SFSWAP: variants seen among roughly 807,000 people sequenced by gnomAD.
The protein encoded by SFSWAP is splicing factor SWAP, also known as splicing factor, suppressor of white-apricot homolog.
Under a neutral mutation model 100.7 loss-of-function variants are expected in SFSWAP, and 17 were observed. That is an observed-to-expected ratio of 0.17 (90% CI 0.12 to 0.25). The LOEUF (loss-of-function observed/expected upper bound fraction) is 0.25. Ranked by LOEUF, SFSWAP falls within the 10% of genes least tolerant of loss-of-function variation. The pLI is 1.00. For synonymous variants in SFSWAP, 504 were observed against 510.1 expected, an observed-to-expected ratio of 0.99 and a Z score of 0.16; for missense variants, 1,005 against 1,262.6, an observed-to-expected ratio of 0.80 and a Z score of 3.09.
At chr12:131,764,771 T>G in intron 12 of SFSWAP, 85 bp downstream of exon 12, 1 of 949,650 alleles carries the variant, frequency 1.1e-6, no homozygotes, top group Admixed American at 2.6e-5. Flanking sequence ...ATCTCGAGGC[T>G]GCCAACTAGA....
chr12:131,796,058 A>C (rs1347038842), intron 15 of SFSWAP: 3 of 26,676 alleles, frequency 1.1e-4, no homozygotes, highest in African/African-American at 1.5e-4. Context: ...GGGGGAGGGG[A>C]GGGGAGGGAA....
intron 14 of SFSWAP, among the ~76,000 whole-genome samples, chr12:131,781,234 A>ATTT (rs66608201): frequency 1.8e-3 from 180 of 102,252 alleles, no homozygotes; most frequent in African/African-American, 6.1e-3. Context: ...ATATCTTATT[A>ATTT]TTTTTTTTTT....
chr12:131,743,363 GTACAGGCATTGGGTAAA>G (rs1323891679), intron 7 of SFSWAP, among the ~76,000 whole-genome samples: 2 of 152,222 alleles, frequency 1.3e-5, no homozygotes, highest in Admixed American at 6.5e-5. Context: ...TATAATGGGG[GTACAGGCATTGGGTAAA>G]TACAACCGTC....
At chr12:131,756,758 G>A (rs2290592) in intron 11 of SFSWAP, 114 bp downstream of exon 11, 94 of 940,042 alleles carry the variant, frequency 1.0e-4, no homozygotes, top group Middle Eastern at 3.4e-4. Context: ...TGGGGTTGGC[G>A]GCCCCCTGGA....
chr12:131,753,412 C>T (rs199814729), intron 8 of SFSWAP, 49 bp downstream of exon 8: 25 of 1,569,426 alleles, frequency 1.6e-5, no homozygotes, highest in Admixed American at 8.8e-5. Flanking sequence ...CTCAGCACTG[C>T]AGTCACTGGG....
intron 13 of SFSWAP, among the ~76,000 whole-genome samples, chr12:131,774,330 GGTTT>G (rs1883846239): frequency 6.6e-6 from 1 of 152,144 alleles, no homozygotes; most frequent in African/African-American, 2.4e-5. Flanking sequence ...GCTTTTGAGC[GGTTT>G]GTTTTGCCAC....
At chr12:131,747,977 A>C (rs1357783609) in intron 7 of SFSWAP, among the ~76,000 whole-genome samples, 2 of 152,328 alleles carry the variant, frequency 1.3e-5, no homozygotes, top group East Asian at 1.9e-4. Flanking sequence ...ACCGAGAGGC[A>C]TGGCCGCTGC....
chr12:131,728,206 G>T, intron 6 of SFSWAP, 87 bp from the exon 7 acceptor site: 1 of 1,478,244 alleles, frequency 6.8e-7, no homozygotes, highest in South Asian at 1.2e-5. Context: ...CATGTACACT[G>T]AGTCCTAAAG....
rs1296634841 is a variant in SFSWAP, at chr12:131,734,890, C to T, written c.1081+6462C>T. Among the ~76,000 whole-genome samples, 1 of 127,326 alleles carries T rather than the reference C, an allele frequency of 7.9e-6. No homozygotes were observed. Among genetic ancestry groups the T allele is most frequent in the Non-Finnish European group, 1.6e-5 (1 of 62,960 alleles). 83.5% of individuals were successfully genotyped at this position (127,326 alleles called of 152,430 possible). ...CTGCAGCCGCAGATACCATCTCAGC[C>T]GGCATGGCGCATGGGGGTGGGGTGG... On this transcript the variant is annotated intron_variant, in intron 7 of 17. Transcript: ENST00000261674. The surrounding 1 kb of genome is among the most constrained non-coding windows in gnomAD (Gnocchi z 4.9).
At chr12:131,785,167 TC>T (rs1277344001) in intron 14 of SFSWAP, 1 of 1,535,676 alleles carries the variant, frequency 6.5e-7, no homozygotes, top group South Asian at 1.2e-5. Flanking sequence ...TCAGGCAGCC[TC>T]GACCACCACC....
intron 16 of SFSWAP, 26 bp from the exon 17 acceptor site, chr12:131,799,011 C>T: frequency 6.4e-7 from 1 of 1,565,208 alleles, no homozygotes; most frequent in Non-Finnish European, 8.8e-7. Flanking sequence ...CGGTTGTAAG[C>T]TCTGCTCTCT....
At chr12:131,736,889 G>T (rs1880075016) in intron 7 of SFSWAP, among the ~76,000 whole-genome samples, 1 of 152,064 alleles carries the variant, frequency 6.6e-6, no homozygotes, top group African/African-American at 2.4e-5. Context: ...GACGTTTATT[G>T]TCGGTGGGGG....
At chr12:131,742,886 C>T (rs1880782061) in intron 7 of SFSWAP, among the ~76,000 whole-genome samples, 1 of 152,148 alleles carries the variant, frequency 6.6e-6, no homozygotes. Flanking sequence ...TACAGTTCCA[C>T]ATGGCTGGGG....
At chr12:131,743,362 G>A (rs1442449051) in intron 7 of SFSWAP, among the ~76,000 whole-genome samples, 1 of 152,190 alleles carries the variant, frequency 6.6e-6, no homozygotes, top group Non-Finnish European at 1.5e-5. Context: ...ATATAATGGG[G>A]GTACAGGCAT....
intron 5 of SFSWAP, among the ~76,000 whole-genome samples, chr12:131,726,505 C>T (rs1288295562): frequency 2.0e-5 from 3 of 152,216 alleles, no homozygotes; most frequent in South Asian, 2.1e-4. Context: ...CCACTGTGCC[C>T]GGCCCTTCCA....
At position 131,786,602 on chromosome 12, in the gene SFSWAP, T is replaced by A. The variant is rs1033781535; in HGVS notation, c.2534+14T>A. ...GACCCGCTCCAGGTAGGCCACTGGG[T>A]GTGCACGCAGGTGCTGGATGTGGGC... On this transcript the variant is annotated intron_variant, in intron 15 of 17. Coordinates refer to ENST00000261674, the MANE Select transcript of SFSWAP (RefSeq NM_004592.4). 6.3e-7 allele frequency: 1 copy of A among 1,585,692 alleles called. No homozygotes were observed. Among genetic ancestry groups the A allele is most frequent in the Non-Finnish European group, 8.6e-7 (1 of 1,167,534 alleles).
chr12:131,766,372 G>C, intron 13 of SFSWAP, 64 bp downstream of exon 13: 3 of 1,447,598 alleles, frequency 2.1e-6, no homozygotes, highest in Non-Finnish European at 2.9e-6. Flanking sequence ...GGGAGGATGT[G>C]TCTCCCTCCA....
At chr12:131,786,339 C>T in intron 14 of SFSWAP, 124 bp from the exon 15 acceptor site, 2 of 1,227,278 alleles carry the variant, frequency 1.6e-6, no homozygotes, top group African/African-American at 1.5e-5. Flanking sequence ...TCAGGGTCTA[C>T]ACAGGCACCA....
intron 3 of SFSWAP, among the ~76,000 whole-genome samples, chr12:131,716,769 G>C (rs1411973518): frequency 2.6e-5 from 4 of 152,134 alleles, no homozygotes; most frequent in Admixed American, 1.3e-4. Context: ...TATTAATACT[G>C]TCTGGCATTT....
Sources: gnomAD v4.1 joint callset for allele counts (sites outside exome capture counted in the v4.1 genomes callset) on GRCh38, gnomAD v4.1.1 for gene constraint, Gnocchi (gnomAD v3.1) non-coding constraint, MANE v1.5 for transcripts, NCBI Gene and HGNC (gene_info 2026-07-23, HGNC 2026-07-21) for gene names.